SMARCA5: variants seen among roughly 807,000 people sequenced by gnomAD.
The protein encoded by SMARCA5 is SWI/SNF-related matrix-associated actin-dependent regulator of chromatin subfamily A member 5.
A neutral mutation model predicts 140.4 loss-of-function variants in SMARCA5; 18 were observed. The ratio of observed to expected loss-of-function variants is 0.13; its 90% CI spans 0.09 to 0.19. The LOEUF (loss-of-function observed/expected upper bound fraction) is 0.19, where lower values mean the gene tolerates loss of function less well. Ranked by LOEUF, SMARCA5 falls within the 10% of genes least tolerant of loss-of-function variation. The pLI, the probability that SMARCA5 is intolerant of heterozygous loss-of-function variation, is 1.00. For missense variants in SMARCA5, 606 were observed against 1,276.8 expected (o/e 0.47, Z 8.01); for synonymous variants, 449 against 419.6 (o/e 1.07, Z -0.86).
At chr4:143,522,111 A>T (rs1285736521) in intron 3 of SMARCA5, among the ~76,000 whole-genome samples, 1 of 152,168 alleles carries the variant, frequency 6.6e-6, no homozygotes, top group African/African-American at 2.4e-5. Flanking sequence ...GGTGTGCTCT[A>T]GGCTCCTCCA....
At chr4:143,539,829 AC>A (rs1308870855) in intron 13 of SMARCA5, among the ~76,000 whole-genome samples, 2 of 152,062 alleles carry the variant, frequency 1.3e-5, no homozygotes, top group African/African-American at 4.8e-5. Context: ...GAGCTACTAC[AC>A]CCAGCCCATT....
At chr4:143,549,314 T>G (rs1040529797) in intron 22 of SMARCA5, among the ~76,000 whole-genome samples, 1 of 152,134 alleles carries the variant, frequency 6.6e-6, no homozygotes, top group African/African-American at 2.4e-5. Context: ...GTGTGTGTAG[T>G]AGTATCACTT....
At chr4:143,526,738 C>T (rs1190641564) in intron 6 of SMARCA5, among the ~76,000 whole-genome samples, 1 of 151,952 alleles carries the variant, frequency 6.6e-6, no homozygotes, top group Non-Finnish European at 1.5e-5. Context: ...GCACGCATGG[C>T]CTGTAGTCCC....
At chr4:143,544,620 A>G (rs767932258) in intron 16 of SMARCA5, 117 bp from the exon 17 acceptor site, 23 of 623,934 alleles carry the variant, frequency 3.7e-5, no homozygotes, top group East Asian at 5.4e-5. Flanking sequence ...CCACCCTCAT[A>G]GAGCTTATAG....
At chr4:143,526,146 T>C in intron 5 of SMARCA5, 135 bp from the exon 6 acceptor site, 1 of 696,940 alleles carries the variant, frequency 1.4e-6, no homozygotes, top group South Asian at 1.7e-5. Context: ...CTTTGATATA[T>C]GTTAAGTTTT....
intron 13 of SMARCA5, among the ~76,000 whole-genome samples, chr4:143,539,632 G>A (rs1359689900): frequency 6.6e-6 from 1 of 151,450 alleles, no homozygotes; most frequent in Non-Finnish European, 1.5e-5. Flanking sequence ...TGCCTCCCAG[G>A]TTGAAGTGAT....
At chr4:143,530,314 GA>G (rs1737159833) in intron 8 of SMARCA5, 143 bp from the exon 9 acceptor site, 3 of 453,844 alleles carry the variant, frequency 6.6e-6, no homozygotes, top group Non-Finnish European at 1.2e-5. Context: ...AATGACACAT[GA>G]AAACCAGGAT....
At position 143,529,500 on chromosome 4, in the gene SMARCA5, A is replaced by G. The variant is rs79400356; in HGVS notation, c.1089+786A>G. On this transcript the variant is annotated intron_variant, in intron 8 of 23. Transcript: ENST00000283131. ...AACAAACAAATAGAACCTAATCTTT[A>G]TGGATTATTTATAGTCATAGAAAGG... is the stretch of plus-strand genomic sequence containing the variant. Among the ~76,000 whole-genome samples the G allele has an allele frequency of 4.2e-3, 643 of 152,294 alleles. 3 individuals carry two copies. Among genetic ancestry groups the G allele is most frequent in the African/African-American group, 0.015 (620 of 41,556 alleles).
At chr4:143,523,601 A>G (rs1314719911) in intron 3 of SMARCA5, among the ~76,000 whole-genome samples, 1 of 152,240 alleles carries the variant, frequency 6.6e-6, no homozygotes, top group East Asian at 1.9e-4. Context: ...AGAAGCATAT[A>G]TAACAAACAA....
At chr4:143,552,862 T>C (rs989907645) in intron 23 of SMARCA5, among the ~76,000 whole-genome samples, 1 of 152,026 alleles carries the variant, frequency 6.6e-6, no homozygotes, top group African/African-American at 2.4e-5. Context: ...TTGATATTGA[T>C]CTACTACTGT....
intron 1 of SMARCA5, among the ~76,000 whole-genome samples, chr4:143,515,839 T>A (rs1736817567): frequency 6.6e-6 from 1 of 152,182 alleles, no homozygotes. Flanking sequence ...TCTGCCATGT[T>A]CTTACCAAAA....
chr4:143,515,784 A>G (rs932411474), intron 1 of SMARCA5, among the ~76,000 whole-genome samples: 3 of 151,846 alleles, frequency 2.0e-5, no homozygotes, highest in Non-Finnish European at 4.4e-5. Context: ...CTGTAATAAA[A>G]CTCGGATCTG....
At chr4:143,547,777 G>A (rs564271208) in intron 21 of SMARCA5, 151 bp from the exon 22 acceptor site, 8 of 545,318 alleles carry the variant, frequency 1.5e-5, no homozygotes, top group African/African-American at 1.1e-4. Context: ...AAGGTCTTTC[G>A]GGACAAAGAT....
In SMARCA5 at chr4:143,540,606, C is replaced by A. The variant is rs575613278; in HGVS notation, c.1903+111C>A. 22 of 981,412 alleles carry A rather than the reference C, an allele frequency of 2.2e-5. No homozygotes were observed. In the East Asian group the frequency reaches 5.3e-4, roughly 24 times the overall value. 60.8% of individuals were successfully genotyped at this position (981,412 alleles called of 1,614,324 possible). A position where few individuals can be genotyped will look rare whatever the true frequency, so the allele number is the denominator to read the frequency against. ...CTAAGCATCCATTGAGTCAAGCTTG[C>A]AGCCAGTAGAGATGACTTGTATTGC... On this transcript the variant is annotated intron_variant, in intron 14 of 23. Coordinates refer to ENST00000283131, the MANE Select transcript of SMARCA5 (RefSeq NM_003601.4).
chr4:143,533,072 T>C (rs1737231709), intron 9 of SMARCA5, among the ~76,000 whole-genome samples: 1 of 152,216 alleles, frequency 6.6e-6, no homozygotes, highest in Admixed American at 6.5e-5. Context: ...AAAGGGTATC[T>C]TTAGTTGTGT....
chr4:143,521,427 A>T lies in SMARCA5; in HGVS notation c.253-2A>T. ...AATGTATCTTAAATTTTTTTTTTTC[A>T]GCAAACTGACCGGGCAAATAGATTC... On this transcript the variant is annotated splice_acceptor_variant, in intron 2 of 23. Transcript: ENST00000283131. LOFTEE classifies it high-confidence loss of function. 2 of 1,570,906 alleles carry T rather than the reference A, an allele frequency of 1.3e-6. No homozygotes were observed. The highest frequency in any genetic ancestry group is 1.4e-5 in the African/African-American group (1 of 71,814).
Position 143,547,918 on chromosome 4 carries a change from A to C in SMARCA5, c.2773-10A>C. 1 of 1,470,880 alleles carries C rather than the reference A, an allele frequency of 6.8e-7. No homozygotes were observed. The highest frequency in any genetic ancestry group is 9.2e-7 in the Non-Finnish European group (1 of 1,081,228). The allele number at this position is 1,470,880 out of a possible 1,614,324, so 91.1% of individuals were successfully genotyped here. ...TGTATTTTATATAATATAAAATCTG[A>C]CTTTCATAGATTGGACGGTACAAAG... is the stretch of plus-strand genomic sequence containing the variant. On this transcript the variant is annotated splice_polypyrimidine_tract_variant and intron_variant, in intron 21 of 23. Coordinates refer to ENST00000283131, the MANE Select transcript of SMARCA5 (RefSeq NM_003601.4).
chr4:143,535,488 TGGTTAAA>T (rs1222019808), intron 10 of SMARCA5, among the ~76,000 whole-genome samples: 4 of 152,188 alleles, frequency 2.6e-5, no homozygotes, highest in African/African-American at 9.6e-5. Flanking sequence ...CAGAGTTGTT[TGGTTAAA>T]GGACTTAATA....
At chr4:143,544,709 G>A in intron 16 of SMARCA5, 28 bp from the exon 17 acceptor site, 4 of 1,218,866 alleles carry the variant, frequency 3.3e-6, no homozygotes, top group Non-Finnish European at 4.8e-6. Context: ...ATAAAAGTTG[G>A]TGATTTGAGT....
Sources: allele counts gnomAD v4.1 joint callset (sites outside exome capture counted in the v4.1 genomes callset), GRCh38; gene constraint gnomAD v4.1.1; transcripts MANE v1.5; gene names NCBI Gene and HGNC (gene_info 2026-07-23, HGNC 2026-07-21).